TSPAN16: variants seen among roughly 807,000 people sequenced by gnomAD.
The protein encoded by TSPAN16 is tetraspanin-16.
TSPAN16 carries 23 observed loss-of-function variants against 25.2 expected under a neutral mutation model. The observed-to-expected ratio is 0.91, with a 90% confidence interval of 0.66 to 1.29. The LOEUF is 1.29. TSPAN16 is among the 50% of genes most tolerant of loss of function. TSPAN16 has a pLI of 0.00. For missense variants in TSPAN16, 272 were observed against 299.9 expected (o/e 0.91, Z 0.69); for synonymous variants, 123 against 124.4 (o/e 0.99, Z 0.08).
At chr19:11,305,387 G>A (rs1004120500) in intron 4 of TSPAN16, among the ~76,000 whole-genome samples, 3 of 151,640 alleles carry the variant, frequency 2.0e-5, no homozygotes, top group Admixed American at 6.6e-5. Context: ...AAAATTAGCC[G>A]GGCATGGTGG....
downstream of TSPAN16, among the ~76,000 whole-genome samples, chr19:11,316,305 A>T (rs2080749300): frequency 1.3e-5 from 2 of 151,966 alleles, no homozygotes; most frequent in African/African-American, 4.8e-5. Flanking sequence ...TGTTTAGTAG[A>T]GATGGGGTTT....
chr19:11,325,961 C>T (rs1315389113), intron 6 of TSPAN16, among the ~76,000 whole-genome samples: 1 of 151,994 alleles, frequency 6.6e-6, no homozygotes, highest in African/African-American at 2.4e-5. Flanking sequence ...AGGCTCATGC[C>T]TATAATCCCA....
intron 6 of TSPAN16, chr19:11,324,015 C>A (rs929876596): frequency 6.6e-6 from 1 of 152,140 alleles, no homozygotes; most frequent in African/African-American, 2.4e-5. Flanking sequence ...GAGGTGGGGA[C>A]CCCAGCTTCA....
At chr19:11,313,638 T>C (rs906918013) in intron 6 of TSPAN16, among the ~76,000 whole-genome samples, 2 of 151,786 alleles carry the variant, frequency 1.3e-5, no homozygotes, top group African/African-American at 2.4e-5. Flanking sequence ...TGGCCAGTAA[T>C]CACATAAAAA....
At chr19:11,312,250 G>A in intron 6 of TSPAN16, 28 bp downstream of exon 6, 1 of 1,554,726 alleles carries the variant, frequency 6.4e-7, no homozygotes, top group Non-Finnish European at 8.8e-7. Flanking sequence ...TAGGGTCTTT[G>A]AGCTGTTTTA....
At chr19:11,321,208 G>A (rs1220524216) in intron 6 of TSPAN16, 1 of 151,736 alleles carries the variant, frequency 6.6e-6, no homozygotes, top group Non-Finnish European at 1.5e-5. Context: ...AAACATAAGA[G>A]GTTTAATTTA....
At chr19:11,305,308 T>C (rs2080613750) in intron 4 of TSPAN16, among the ~76,000 whole-genome samples, 2 of 152,020 alleles carry the variant, frequency 1.3e-5, no homozygotes, top group African/African-American at 2.4e-5. Context: ...GGCAGGTGGA[T>C]CACCTGAGGT....
In TSPAN16 at chr19:11,301,361, C is replaced by T. The variant is rs116660415; in HGVS notation, c.450+53C>T. On this transcript the variant is annotated intron_variant, in intron 4 of 6. Transcript: ENST00000590327. ...GTGGTGTAAAGGTACACAACATGGG[C>T]GGGCGAAGTGGCTCACACCTGTAAT... 4,398 of 1,412,254 alleles carry T rather than the reference C, an allele frequency of 3.1e-3. 64 individuals carry two copies. In the African/African-American group the frequency reaches 0.05, roughly 16 times the overall value. 87.5% of individuals were successfully genotyped at this position (1,412,254 alleles called of 1,614,324 possible).
chr19:11,313,622 T>C (rs2080716513), intron 6 of TSPAN16, among the ~76,000 whole-genome samples: 1 of 151,854 alleles, frequency 6.6e-6, no homozygotes, highest in African/African-American at 2.4e-5. Context: ...AAAGAAGGCA[T>C]ACAGATGGCC....
rs57734059 is a variant in TSPAN16 at position 11,305,989 on chromosome 19, C to T, written c.451-615C>T. 5.0e-3 allele frequency among the ~76,000 whole-genome samples: 764 copies of T among 152,186 alleles called. 3 individuals carry two copies. Among genetic ancestry groups the T allele is most frequent in the African/African-American group, 0.017 (702 of 41,536 alleles). On this transcript the variant is annotated intron_variant, in intron 4 of 6. Coordinates refer to ENST00000590327, the MANE Select transcript of TSPAN16 (RefSeq NM_001282509.2). ...GCTGTGAATAAAAACAAGGCAGGGC[C>T]GGGCACGGTGGCTCACGCCGCTAAT...
intron 4 of TSPAN16, among the ~76,000 whole-genome samples, chr19:11,304,100 T>A (rs1033338700): frequency 6.6e-6 from 1 of 151,560 alleles, no homozygotes; most frequent in Non-Finnish European, 1.5e-5. Context: ...GTTATTTTGA[T>A]CATTGCCATC....
chr19:11,309,572 G>A (rs556053853), intron 5 of TSPAN16, among the ~76,000 whole-genome samples: 6 of 152,304 alleles, frequency 3.9e-5, no homozygotes, highest in East Asian at 1.9e-4. Flanking sequence ...CACTTTCTCC[G>A]TGAGGCTGTT....
intron 6 of TSPAN16, chr19:11,322,108 T>C (rs2080783385): frequency 6.6e-6 from 1 of 151,996 alleles, no homozygotes; most frequent in African/African-American, 2.4e-5. Flanking sequence ...TTGAGAAGAG[T>C]ACATCTTTCC....
intron 4 of TSPAN16, among the ~76,000 whole-genome samples, chr19:11,304,815 T>C (rs140284392): frequency 0.014 from 2,164 of 152,126 alleles, 38 homozygotes; most frequent in African/African-American, 0.048. Flanking sequence ...TGAGCCACTG[T>C]GCCCAGCCTA....
chr19:11,325,358 C>A (rs1306233071), intron 6 of TSPAN16: 4 of 1,117,514 alleles, frequency 3.6e-6, no homozygotes, highest in African/African-American at 2.6e-5. Context: ...CAGTCCCTGC[C>A]GAGGCAGGAG....
At chr19:11,301,542 A>G (rs1455586422) in intron 4 of TSPAN16, among the ~76,000 whole-genome samples, 2 of 151,500 alleles carry the variant, frequency 1.3e-5, no homozygotes. Flanking sequence ...CAGGAGGCTG[A>G]GGCAGGAGAA....
chr19:11,298,853 C>T lies in TSPAN16; in HGVS notation c.268-19C>T, dbSNP rs2080509879. On this transcript the variant is annotated intron_variant, in intron 2 of 6. Transcript: ENST00000590327. Reference sequence around the variant, plus strand: ...GGCTGAGCAGGCTCCCAGGCCCTCTCTCCCCGTGTGTCTTTTAGTGCATCC... The same window carrying T: ...GGCTGAGCAGGCTCCCAGGCCCTCTTTCCCCGTGTGTCTTTTAGTGCATCC... 8 of 1,612,982 alleles carry T rather than the reference C, an allele frequency of 5.0e-6. No homozygotes were observed. Among genetic ancestry groups the T allele is most frequent in the Admixed American group, 3.3e-5 (2 of 59,980 alleles).
intron 6 of TSPAN16, among the ~76,000 whole-genome samples, chr19:11,315,475 T>A (rs1225719360): frequency 6.6e-6 from 1 of 150,932 alleles, no homozygotes; most frequent in Non-Finnish European, 1.5e-5. Context: ...GAGAATGGCG[T>A]GAACCTGGGA....
downstream of TSPAN16, among the ~76,000 whole-genome samples, chr19:11,319,957 G>T (rs1354037680): frequency 1.3e-5 from 2 of 151,968 alleles, no homozygotes; most frequent in African/African-American, 4.8e-5. Context: ...TGGGACTACA[G>T]GCGCCCGCCA....
Sources: gnomAD v4.1 joint callset for allele counts (sites outside exome capture counted in the v4.1 genomes callset) on GRCh38, gnomAD v4.1.1 for gene constraint, MANE v1.5 for transcripts, NCBI Gene and HGNC (gene_info 2026-07-23, HGNC 2026-07-21) for gene names.